The following GLIPR1L2 variants were observed in gnomAD, a reference collection of about 807,000 sequenced individuals.
The protein encoded by GLIPR1L2 is GLIPR1 like 2, also known as GLIPR1-like protein 2.
In GLIPR1L2, 21 loss-of-function variants were observed where a neutral mutation model predicts 28.4. The ratio of observed to expected loss-of-function variants is 0.74; its 90% CI spans 0.52 to 1.06. The LOEUF (loss-of-function observed/expected upper bound fraction) is 1.06, where lower values mean the gene tolerates loss of function less well. GLIPR1L2 is among the 50% of genes least tolerant of loss of function. The pLI, the probability that GLIPR1L2 is intolerant of heterozygous loss-of-function variation, is 0.00. For missense variants in GLIPR1L2, 476 were observed against 416.9 expected, an observed-to-expected ratio of 1.14 and a Z score of -1.23; for synonymous variants, 145 against 139.3, an observed-to-expected ratio of 1.04 and a Z score of -0.29.
At chr12:75,422,138 G>T (rs559464391) in intron 3 of GLIPR1L2, among the ~76,000 whole-genome samples, 1 of 143,158 alleles carries the variant, frequency 7.0e-6, no homozygotes, top group African/African-American at 2.6e-5. Context: ...CTACAGGCAC[G>T]CACCATGCCC....
intron 3 of GLIPR1L2, among the ~76,000 whole-genome samples, chr12:75,417,526 A>G (rs1220369591): frequency 6.6e-6 from 1 of 152,174 alleles, no homozygotes; most frequent in Non-Finnish European, 1.5e-5. Flanking sequence ...AGACTTGGCC[A>G]TGCATACTGA....
intron 4 of GLIPR1L2, among the ~76,000 whole-genome samples, chr12:75,428,374 A>T (rs1354204253): frequency 6.6e-6 from 1 of 152,162 alleles, no homozygotes; most frequent in Non-Finnish European, 1.5e-5. Flanking sequence ...GCAGAAAAGC[A>T]CTCAAGATGT....
chr12:75,410,415 C>T lies in GLIPR1L2; in HGVS notation c.235-19C>T. On this transcript the variant is annotated intron_variant, in intron 1 of 5. Transcript: ENST00000550916. Reference sequence around the variant, plus strand: ...AAAAAAACTTATTTTGTTCTCTTTGCTTTTTGAATATTTTTCAGACTTGGG... The same window carrying T: ...AAAAAAACTTATTTTGTTCTCTTTGTTTTTTGAATATTTTTCAGACTTGGG... The T allele has an allele frequency of 6.7e-7, 1 of 1,487,888 alleles. No homozygotes were observed. Among genetic ancestry groups the T allele is most frequent in the South Asian group, 1.4e-5 (1 of 69,750 alleles). 92.2% of individuals were successfully genotyped at this position (1,487,888 alleles called of 1,614,324 possible).
intron 4 of GLIPR1L2, among the ~76,000 whole-genome samples, chr12:75,427,893 A>G (rs1053885676): frequency 6.6e-6 from 1 of 152,214 alleles, no homozygotes; most frequent in Non-Finnish European, 1.5e-5. Context: ...CTCTCCAGCC[A>G]TGCAGAACTG....
intron 1 of GLIPR1L2, among the ~76,000 whole-genome samples, chr12:75,410,154 A>G (rs1218179652): frequency 6.6e-6 from 1 of 151,798 alleles, no homozygotes; most frequent in African/African-American, 2.4e-5. Flanking sequence ...AGTGTATTAC[A>G]TACTTCTGAA....
intron 1 of GLIPR1L2, among the ~76,000 whole-genome samples, chr12:75,405,766 A>G (rs1323635715): frequency 6.6e-6 from 1 of 152,108 alleles, no homozygotes; most frequent in Non-Finnish European, 1.5e-5. Flanking sequence ...ACAAATATAG[A>G]AATATGGATA....
intron 1 of GLIPR1L2, among the ~76,000 whole-genome samples, chr12:75,409,591 A>G (rs2045840949): frequency 6.8e-6 from 1 of 147,398 alleles, no homozygotes; most frequent in African/African-American, 2.5e-5. Flanking sequence ...ACACACACAT[A>G]TATATATTCT....
In GLIPR1L2 at chr12:75,410,415, C is replaced by A; in HGVS notation, c.235-19C>A. The A allele has an allele frequency of 6.7e-7, 1 of 1,487,888 alleles. No homozygotes were observed. Among genetic ancestry groups the A allele is most frequent in the Non-Finnish European group, 8.9e-7 (1 of 1,117,764 alleles). The allele number at this position is 1,487,888 out of a possible 1,614,324, so 92.2% of individuals were successfully genotyped here. A position where few individuals can be genotyped will look rare whatever the true frequency, so the allele number is the denominator to read the frequency against. On this transcript the variant is annotated intron_variant, in intron 1 of 5. Transcript: ENST00000550916. ...AAAAAAACTTATTTTGTTCTCTTTG[C>A]TTTTTGAATATTTTTCAGACTTGGG...
At position 75,427,509 on chromosome 12, in the gene GLIPR1L2, T is replaced by TC. The variant is rs2046046187; in HGVS notation, c.671-3202dup. Reference sequence around the variant, plus strand: ...TGCCTTAACAATGAGTTCTAAATTTTCCCCTAAGAGTAATATTACTGCAAG... The same window carrying TC: ...TGCCTTAACAATGAGTTCTAAATTTTCCCCCTAAGAGTAATATTACTGCAAG... On this transcript the variant is annotated intron_variant, in intron 4 of 5. Transcript: ENST00000550916. Among the ~76,000 whole-genome samples, 5 of 152,336 alleles carry TC rather than the reference T, an allele frequency of 3.3e-5. No homozygotes were observed. In the South Asian group the frequency reaches 1.0e-3, roughly 32 times the overall value.
At chr12:75,408,872 T>G (rs1014149466) in intron 1 of GLIPR1L2, among the ~76,000 whole-genome samples, 3 of 151,994 alleles carry the variant, frequency 2.0e-5, no homozygotes, top group Admixed American at 2.0e-4. Flanking sequence ...GATACAGAGA[T>G]AGAGAGATGT....
At chr12:75,421,016 T>A (rs1173010692) in intron 3 of GLIPR1L2, among the ~76,000 whole-genome samples, 1 of 152,232 alleles carries the variant, frequency 6.6e-6, no homozygotes, top group African/African-American at 2.4e-5. Flanking sequence ...GTGATGGGAC[T>A]ATGCTCTAGT....
At chr12:75,394,651 A>G (rs1366742514) in intron 1 of GLIPR1L2, among the ~76,000 whole-genome samples, 3 of 151,726 alleles carry the variant, frequency 2.0e-5, no homozygotes, top group Non-Finnish European at 4.4e-5. Flanking sequence ...TGGTAAGTAG[A>G]AATTAGGAAG....
intron 1 of GLIPR1L2, among the ~76,000 whole-genome samples, chr12:75,394,249 A>G (rs1484426936): frequency 6.6e-6 from 1 of 152,094 alleles, no homozygotes; most frequent in Non-Finnish European, 1.5e-5. Context: ...TTTGATAAAC[A>G]AAAGTTTTTA....
chr12:75,414,721 A>G (rs2045907354), intron 3 of GLIPR1L2, among the ~76,000 whole-genome samples: 1 of 152,110 alleles, frequency 6.6e-6, no homozygotes, highest in African/African-American at 2.4e-5. Flanking sequence ...ATTACTACTG[A>G]TTGGTCTTGC....
At chr12:75,425,666 A>G (rs1391485542) in intron 4 of GLIPR1L2, among the ~76,000 whole-genome samples, 1 of 152,216 alleles carries the variant, frequency 6.6e-6, no homozygotes, top group Non-Finnish European at 1.5e-5. Context: ...CTGAGATTCA[A>G]ATGTAACCTG....
rs145147929 is a variant in GLIPR1L2 at position 75,408,185 on chromosome 12, A to G, written c.235-2249A>G. On this transcript the variant is annotated intron_variant, in intron 1 of 5. Coordinates refer to ENST00000550916, the MANE Select transcript of GLIPR1L2 (RefSeq NM_001270396.2). ...ACATATTTCATTAAATATCTCATTA[A>G]CTGCTTCTTGAAACTTTAACCTCTC... Among the ~76,000 whole-genome samples the G allele has an allele frequency of 1.2e-3, 185 of 152,168 alleles. 1 individual carries two copies. Among genetic ancestry groups the G allele is most frequent in the African/African-American group, 4.1e-3 (170 of 41,556 alleles).
chr12:75,391,549 T>C, intron 1 of GLIPR1L2, 199 bp downstream of exon 1: 1 of 1,518,330 alleles, frequency 6.6e-7, no homozygotes, highest in Non-Finnish European at 8.8e-7. Context: ...ACCATGATAT[T>C]ACACAGGGCC....
chr12:75,411,293 G>A (rs1272801021), intron 2 of GLIPR1L2, among the ~76,000 whole-genome samples: 2 of 151,698 alleles, frequency 1.3e-5, no homozygotes, highest in African/African-American at 4.8e-5. Flanking sequence ...ACAACACGAC[G>A]TTATTTAGGT....
intron 4 of GLIPR1L2, 136 bp downstream of exon 4, chr12:75,423,125 A>G (rs1312172829): frequency 9.0e-6 from 14 of 1,555,616 alleles, no homozygotes; most frequent in South Asian, 3.7e-5. Context: ...TTATCAAAGG[A>G]TGGTTGACAC....
Sources: allele counts gnomAD v4.1 joint callset (sites outside exome capture counted in the v4.1 genomes callset), GRCh38; gene constraint gnomAD v4.1.1; transcripts MANE v1.5; gene names NCBI Gene and HGNC (gene_info 2026-07-23, HGNC 2026-07-21).